CACNA1E: variants seen among roughly 807,000 people sequenced by gnomAD.
CACNA1E encodes voltage-dependent R-type calcium channel subunit alpha-1E.
Under a neutral mutation model 259.2 loss-of-function variants are expected in CACNA1E, and 40 were observed. The observed-to-expected ratio is 0.15, with a 90% CI of 0.12 to 0.20. The LOEUF is 0.20. Ranked by LOEUF, CACNA1E falls within the 10% of genes least tolerant of loss-of-function variation. The pLI is 1.00. For synonymous variants in CACNA1E, 1,104 were observed against 1,138.5 expected (o/e 0.97, Z 0.61); for missense variants, 1,874 against 3,040.1 (o/e 0.62, Z 9.02).
At chr1:181,452,183 A>T (rs936387418) in intron 2 of CACNA1E, among the ~76,000 whole-genome samples, 1 of 152,116 alleles carries the variant, frequency 6.6e-6, no homozygotes, top group Non-Finnish European at 1.5e-5. Context: ...AGACAAATAG[A>T]CTTTTGAGTT....
intron 1 of CACNA1E, among the ~76,000 whole-genome samples, chr1:181,499,375 G>A (rs1329902545): frequency 6.6e-6 from 1 of 152,194 alleles, no homozygotes; most frequent in African/African-American, 2.4e-5. Context: ...AGAGACCAGG[G>A]AATTTTATTT....
At chr1:181,703,075 G>T (rs1652435556) in intron 7 of CACNA1E, among the ~76,000 whole-genome samples, 1 of 152,038 alleles carries the variant, frequency 6.6e-6, no homozygotes, top group African/African-American at 2.4e-5. Flanking sequence ...TGAGATTACA[G>T]GTGCATACCA....
chr1:181,691,535 G>C (rs1421613698), intron 7 of CACNA1E, among the ~76,000 whole-genome samples: 1 of 151,928 alleles, frequency 6.6e-6, no homozygotes, highest in Non-Finnish European at 1.5e-5. Context: ...CAAGTTTCTT[G>C]AAAACCAAAA....
At position 181,718,116 on chromosome 1, in the gene CACNA1E, C is replaced by T; in HGVS notation, c.1587C>T (p.Gly529=). ...TGGAGATGTCCCTGAAGATGTATGG[C>T]ATGGGGCCTCGCCTTTATTTTCACT... The part of the protein sequence containing the change: ...FLLEMSLKMY[G]MGPRLYFHSS... The change falls in exon 12 of 48, where the codon GGC becomes GGT. Residue 529 remains glycine (G), a synonymous_variant. Transcript: ENST00000367573. The T allele has an allele frequency of 6.2e-7, 1 of 1,611,496 alleles. No homozygotes were observed. The highest frequency in any genetic ancestry group is 8.5e-7 in the Non-Finnish European group (1 of 1,177,688).
chr1:181,611,912 T>G (rs1654785627), intron 6 of CACNA1E, among the ~76,000 whole-genome samples: 1 of 152,178 alleles, frequency 6.6e-6, no homozygotes, highest in Non-Finnish European at 1.5e-5. Flanking sequence ...AAATTCTAGT[T>G]GAGAATAAAC....
Position 181,574,980 on chromosome 1 carries a change from G to A in CACNA1E, c.513-2786G>A, listed in dbSNP as rs549437801. Among the ~76,000 whole-genome samples the A allele has an allele frequency of 7.9e-5, 12 of 151,882 alleles. No homozygotes were observed. In the South Asian group the frequency reaches 2.1e-3, roughly 26 times the overall value. On this transcript the variant is annotated intron_variant, in intron 3 of 47. Transcript: ENST00000367573. ...GCGGAGGTTGCAGTGAGCTGAGATCGTGCCATTGCACTCCAGCCTGGATGA... is the reference window on the plus strand; with the variant it reads ...GCGGAGGTTGCAGTGAGCTGAGATCATGCCATTGCACTCCAGCCTGGATGA...
At chr1:181,656,505 G>A (rs1659220064) in intron 7 of CACNA1E, among the ~76,000 whole-genome samples, 1 of 152,192 alleles carries the variant, frequency 6.6e-6, no homozygotes, top group Non-Finnish European at 1.5e-5. Flanking sequence ...TTTAAGCTAA[G>A]CATTATTGCC....
At chr1:181,759,395 C>CTGTGTGTGTGTGTGTGTG (rs10677275) in intron 32 of CACNA1E, among the ~76,000 whole-genome samples, 59 of 146,992 alleles carry the variant, frequency 4.0e-4, no homozygotes, top group African/African-American at 1.3e-3. Flanking sequence ...AGGGGTGTGT[C>CTGTGTGTGTGTGTGTGTG]TGTGTGTGTG....
intron 21 of CACNA1E, 125 bp from the exon 22 acceptor site, chr1:181,736,150 G>T (rs189974622): frequency 1.8e-6 from 2 of 1,129,384 alleles, no homozygotes; most frequent in Non-Finnish European, 2.5e-6. Flanking sequence ...TGCCTGCAGG[G>T]CACCTTGTTA....
chr1:181,536,657 C>G (rs1265049910), intron 3 of CACNA1E, among the ~76,000 whole-genome samples: 1 of 152,146 alleles, frequency 6.6e-6, no homozygotes, highest in Non-Finnish European at 1.5e-5. Context: ...TCTGTTTGTG[C>G]AAACTTCTTG....
intron 6 of CACNA1E, among the ~76,000 whole-genome samples, chr1:181,604,402 G>T (rs984355506): frequency 2.6e-5 from 4 of 152,142 alleles, no homozygotes; most frequent in Admixed American, 2.0e-4. Context: ...TTCATGAAAA[G>T]GGCCAGCTGA....
chr1:181,463,547 G>C (rs1462164935), intron 2 of CACNA1E, among the ~76,000 whole-genome samples: 3 of 152,108 alleles, frequency 2.0e-5, no homozygotes, highest in African/African-American at 7.2e-5. Flanking sequence ...TGCATTAATT[G>C]CACTTTCCCT....
intron 25 of CACNA1E, chr1:181,745,274 G>A: frequency 2.4e-6 from 1 of 414,504 alleles, no homozygotes; most frequent in South Asian, 2.0e-5. Context: ...ACTGCCTGTA[G>A]AATATTCACT....
intron 1 of CACNA1E, among the ~76,000 whole-genome samples, chr1:181,399,884 A>G (rs1656967851): frequency 6.6e-6 from 1 of 152,242 alleles, no homozygotes; most frequent in African/African-American, 2.4e-5. Flanking sequence ...CATGGATATC[A>G]TTGCCTGGGA....
At chr1:181,707,936 G>T (rs1652954269) in intron 7 of CACNA1E, among the ~76,000 whole-genome samples, 2 of 152,224 alleles carry the variant, frequency 1.3e-5, no homozygotes, top group African/African-American at 4.8e-5. Flanking sequence ...ACTGCAAGAT[G>T]AGCTCTAAAG....
In CACNA1E at chr1:181,584,339, A is replaced by G. The variant is rs1024601402; in HGVS notation, c.951+3563A>G. 2.0e-5 allele frequency among the ~76,000 whole-genome samples: 3 copies of G among 152,202 alleles called. No individual in the cohort carries two copies. The East Asian group carries it at 5.8e-4, about 29-fold the overall frequency. The stretch of plus-strand genomic sequence containing the variant: ...GTACTGTTTCTGCAGCTTTGCAGGT[A>G]TGCTTTCCGCATCTGTTGTGACTAC... On this transcript the variant is annotated intron_variant, in intron 6 of 47. Coordinates refer to ENST00000367573, the MANE Select transcript of CACNA1E (RefSeq NM_001205293.3).
chr1:181,726,723 TA>T (rs969072196), intron 18 of CACNA1E, among the ~76,000 whole-genome samples: 4 of 152,078 alleles, frequency 2.6e-5, no homozygotes, highest in Admixed American at 6.5e-5. Context: ...TTTACACTTT[TA>T]AAAAGGTCAC....
intron 6 of CACNA1E, among the ~76,000 whole-genome samples, chr1:181,599,281 C>T (rs144815795): frequency 0.019 from 2,893 of 152,270 alleles, 93 homozygotes; most frequent in African/African-American, 0.061. Context: ...CATGTCTCTG[C>T]AAAGGACATG....
chr1:181,714,029 G>A (rs191311709), intron 8 of CACNA1E, among the ~76,000 whole-genome samples: 1 of 152,082 alleles, frequency 6.6e-6, no homozygotes, highest in East Asian at 1.9e-4. Context: ...ACACCAACTA[G>A]GTGTTCAACA....
Sources: allele counts gnomAD v4.1 joint callset (sites outside exome capture counted in the v4.1 genomes callset), GRCh38; gene constraint gnomAD v4.1.1; transcripts MANE v1.5; gene names NCBI Gene and HGNC (gene_info 2026-07-23, HGNC 2026-07-21).